CLEC1A: variants seen among roughly 807,000 people sequenced by gnomAD.
The protein encoded by CLEC1A is C-type lectin-like receptor-1.
In CLEC1A, 34 loss-of-function variants were observed where a neutral mutation model predicts 28.7. That is an observed-to-expected ratio of 1.18 (90% confidence interval 0.90 to 1.57). CLEC1A has a LOEUF of 1.57. Among genes scored for constraint, CLEC1A ranks in the 40% most tolerant of loss-of-function variants. The pLI, the probability that CLEC1A is intolerant of heterozygous loss-of-function variation, is 0.00. For synonymous variants in CLEC1A, 116 were observed against 121.0 expected, an observed-to-expected ratio of 0.96 and a Z score of 0.27; for missense variants, 385 against 339.5, an observed-to-expected ratio of 1.13 and a Z score of -1.05.
chr12:10,075,560 A>C lies in CLEC1A; in HGVS notation c.487T>G (p.Tyr163Asp), dbSNP rs1866233362. 1.2e-6 allele frequency: 2 copies of C among 1,613,876 alleles called. No homozygotes were observed. The change falls in exon 4 of 6, where the codon TAT (tyrosine) becomes GAT (aspartate). Residue 163 changes from tyrosine (Y) to aspartate (D), a missense_variant. Tyr to Asp is a radical substitution (Grantham distance 160). Transcript: ENST00000315330. ...GTAGAGTTTTCACTAAGGCAGAAAT[A>C]TTTACAGTCCTCCCAACTTTTGCTG... The part of the protein sequence containing the change: ...KDSKSWEDCK[Y>D]FCLSENSTML...
chr12:10,093,115 GTCTAA>G (rs1947728089), intron 1 of CLEC1A, among the ~76,000 whole-genome samples: 1 of 151,958 alleles, frequency 6.6e-6, no homozygotes, highest in African/African-American at 2.4e-5. Context: ...CTAACTGTGA[GTCTAA>G]TGTTTCTCAG....
intron 2 of CLEC1A, among the ~76,000 whole-genome samples, chr12:10,085,196 AACACACACACACAC>A (rs144572464): frequency 1.0e-3 from 131 of 129,136 alleles, no homozygotes; most frequent in African/African-American, 1.6e-3. Context: ...ATAAGACAAT[AACACACACACACAC>A]ACACACACAC....
chr12:10,078,383 C>T lies in CLEC1A; in HGVS notation c.392-2728G>A, dbSNP rs144710608. Among the ~76,000 whole-genome samples the T allele has an allele frequency of 3.5e-4, 53 of 152,286 alleles. 3 individuals carry two copies. The East Asian group carries it at 8.9e-3, about 25-fold the overall frequency. ...ATGCAGATACATTCATGTTTTAAGG[C>T]TCTTTTGTTTCCTGTTTTAACTTAA... On this transcript the variant is annotated intron_variant, in intron 3 of 5. Coordinates refer to ENST00000315330, the MANE Select transcript of CLEC1A (RefSeq NM_016511.4).
At chr12:10,073,453 G>A in intron 4 of CLEC1A, 42 bp from the exon 5 acceptor site, 16 of 1,479,342 alleles carry the variant, frequency 1.1e-5, no homozygotes, top group Non-Finnish European at 1.5e-5. Context: ...TTGGTGGCAT[G>A]ATTACTCACA....
chr12:10,097,748 C>T (rs1947796180), intron 1 of CLEC1A, among the ~76,000 whole-genome samples: 1 of 152,096 alleles, frequency 6.6e-6, no homozygotes. Flanking sequence ...AAAACCACAG[C>T]CGTAAAAATG....
intron 5 of CLEC1A, among the ~76,000 whole-genome samples, chr12:10,071,722 A>G (rs1253418921): frequency 6.6e-6 from 1 of 152,156 alleles, no homozygotes; most frequent in African/African-American, 2.4e-5. Flanking sequence ...AGCAAAAACC[A>G]TTTCTAACTA....
chr12:10,089,476 G>A (rs1317182609), intron 1 of CLEC1A, among the ~76,000 whole-genome samples: 1 of 151,918 alleles, frequency 6.6e-6, no homozygotes, highest in Non-Finnish European at 1.5e-5. Flanking sequence ...ACTTTGCACT[G>A]AATCACACTA....
At chr12:10,092,257 A>G (rs1309772353) in intron 1 of CLEC1A, among the ~76,000 whole-genome samples, 1 of 152,192 alleles carries the variant, frequency 6.6e-6, no homozygotes, top group Non-Finnish European at 1.5e-5. Flanking sequence ...TAATCTCATC[A>G]CTTTGGAATC....
chr12:10,095,667 A>C (rs181367088), intron 1 of CLEC1A, among the ~76,000 whole-genome samples: 68 of 152,326 alleles, frequency 4.5e-4, no homozygotes, highest in African/African-American at 1.6e-3. Context: ...TAAATTGTTA[A>C]ATAATCATTT....
At position 10,098,865 on chromosome 12, in the gene CLEC1A, T is replaced by C. The variant is rs1947812817; in HGVS notation, c.58A>G (p.Met20Val). ...GCAGAGCCTTGAGAATGCAGGCTCA[T>C]GGTGGTGTCCCCATCATCATCCAGC... ...DMLDDDGDTTMSLHSQGSATT... is the reference protein window; with the variant it reads ...DMLDDDGDTTVSLHSQGSATT... Residue 20 changes from methionine to valine, a missense_variant, in exon 1 of 6, where the codon ATG becomes GTG. Physicochemically the swap from Met to Val is conservative, Grantham distance 21. Transcript: ENST00000315330. The C allele has an allele frequency of 1.9e-6, 3 of 1,613,732 alleles. No individual in the cohort carries two copies. In the African/African-American group the frequency reaches 4.0e-5, roughly 22 times the overall value.
At chr12:10,084,142 C>T (rs995845152) in intron 2 of CLEC1A, 5 of 152,184 alleles carry the variant, frequency 3.3e-5, no homozygotes, top group African/African-American at 9.7e-5. Flanking sequence ...GGAAAACACC[C>T]ATGGTCTTCC....
intron 5 of CLEC1A, 59 bp from the exon 6 acceptor site, chr12:10,071,572 A>C: frequency 7.5e-7 from 1 of 1,329,790 alleles, no homozygotes; most frequent in South Asian, 1.5e-5. Context: ...TAAAATATTA[A>C]ATACCCATTC....
At chr12:10,089,937 G>T (rs1222045914) in intron 1 of CLEC1A, among the ~76,000 whole-genome samples, 2 of 151,976 alleles carry the variant, frequency 1.3e-5, no homozygotes, top group Non-Finnish European at 2.9e-5. Context: ...TGGTTTCCTC[G>T]CCCTCCATTC....
chr12:10,081,051 T>C (rs1444678463), intron 3 of CLEC1A, among the ~76,000 whole-genome samples, 186 bp downstream of exon 3: 1 of 152,238 alleles, frequency 6.6e-6, no homozygotes, highest in African/African-American at 2.4e-5. Flanking sequence ...AGTCCCTTGA[T>C]GCATGGTATC....
chr12:10,080,381 G>C (rs1019719275), intron 3 of CLEC1A, among the ~76,000 whole-genome samples: 1 of 152,096 alleles, frequency 6.6e-6, no homozygotes, highest in Non-Finnish European at 1.5e-5. Flanking sequence ...GAGGTCATTA[G>C]TTATGTAGGA....
chr12:10,084,821 CAAAAAAAA>C (rs57574014), intron 2 of CLEC1A, among the ~76,000 whole-genome samples: 9,128 of 83,810 alleles, frequency 0.11, 521 homozygotes, highest in Admixed American at 0.15. Flanking sequence ...GACTCTGTAT[CAAAAAAAA>C]AAAAAAAAAA....
At chr12:10,094,440 T>C (rs1319910617) in intron 1 of CLEC1A, among the ~76,000 whole-genome samples, 3 of 152,016 alleles carry the variant, frequency 2.0e-5, no homozygotes, top group African/African-American at 7.2e-5. Flanking sequence ...TTATATAGAA[T>C]GATTGGATGG....
chr12:10,090,445 A>G (rs1866592120), intron 1 of CLEC1A, among the ~76,000 whole-genome samples: 1 of 152,016 alleles, frequency 6.6e-6, no homozygotes, highest in Non-Finnish European at 1.5e-5. Context: ...TTTGTTGGAG[A>G]TGAGGTTTCA....
chr12:10,083,837 G>A (rs907728862), intron 2 of CLEC1A, among the ~76,000 whole-genome samples: 10 of 151,962 alleles, frequency 6.6e-5, no homozygotes, highest in African/African-American at 1.5e-4. Context: ...AATAAATATC[G>A]TAAAGAAAAA....
Sources: gnomAD v4.1 joint callset for allele counts (sites outside exome capture counted in the v4.1 genomes callset) on GRCh38, gnomAD v4.1.1 for gene constraint, MANE v1.5 for transcripts, NCBI Gene and HGNC (gene_info 2026-07-23, HGNC 2026-07-21) for gene names.